Variants in RAVER2 observed in about 807,000 individuals in gnomAD.
RAVER2 encodes the protein ribonucleoprotein, PTB binding 2.
A neutral mutation model predicts 78.1 loss-of-function variants in RAVER2; 46 were observed. That is an observed-to-expected ratio of 0.59 (90% confidence interval 0.46 to 0.75). The LOEUF (loss-of-function observed/expected upper bound fraction) is 0.75. Among genes scored for constraint, RAVER2 ranks in the 30% least tolerant of loss-of-function variants. The probability of loss-of-function intolerance (pLI) is 0.00; values close to 1 mark genes in which losing one functional copy is unlikely to be tolerated. For synonymous variants in RAVER2, 311 were observed against 313.3 expected, an observed-to-expected ratio of 0.99 and a Z score of 0.08; for missense variants, 793 against 837.5, an observed-to-expected ratio of 0.95 and a Z score of 0.66.
In RAVER2 at chr1:64,777,882, A is replaced by G. The variant is rs751921498; in HGVS notation, c.576A>G (p.Lys192=). The change falls in exon 3 of 12, where the codon AAA becomes AAG. Residue 192 remains lysine (K), a synonymous_variant. Coordinates refer to ENST00000294428, the Ensembl canonical transcript of RAVER2. The stretch of plus-strand genomic sequence containing the variant: ...GCTATGGATTTGTGGAATACATGAA[A>G]AAGGACTTTGCTGCAAAGGCTAGAC... 5.6e-6 allele frequency: 9 copies of G among 1,614,002 alleles called. No homozygotes were observed. The African/African-American group carries it at 1.2e-4, about 22-fold the overall frequency.
Position 64,828,653 on chromosome 1 carries a change from C to CT in RAVER2, c.1930-2174dup, listed in dbSNP as rs1024334585. 5.4e-3 allele frequency among the ~76,000 whole-genome samples: 767 copies of CT among 141,424 alleles called. 10 individuals carry two copies. The highest frequency in any genetic ancestry group is 0.017 in the African/African-American group (656 of 38,630). 92.8% of individuals were successfully genotyped at this position (141,424 alleles called of 152,430 possible). On this transcript the variant is annotated intron_variant, in intron 11 of 11. Transcript: ENST00000294428. ...CATGGGCTACAGTGAAACCCGTTTT[C>CT]TTTTTTTTTTTTAAGGTTTAAATTT...
At chr1:64,828,596 G>A (rs1048565048) in intron 11 of RAVER2, among the ~76,000 whole-genome samples, 4 of 150,708 alleles carry the variant, frequency 2.7e-5, no homozygotes, top group East Asian at 1.9e-4. Context: ...TTGATAGGGC[G>A]TATCAGAAGA....
chr1:64,794,090 G>A (rs1223973480), intron 5 of RAVER2, among the ~76,000 whole-genome samples: 1 of 152,058 alleles, frequency 6.6e-6, no homozygotes, highest in Non-Finnish European at 1.5e-5. Flanking sequence ...TGAGTCATAT[G>A]GTAGATATAT....
intron 5 of RAVER2, among the ~76,000 whole-genome samples, chr1:64,790,838 G>A (rs563753312): frequency 6.6e-6 from 1 of 152,216 alleles, no homozygotes; most frequent in East Asian, 1.9e-4. Context: ...TCTAACACCA[G>A]CTCACCTACT....
rs1652509002 is a variant in RAVER2 at position 64,777,797 on chromosome 1, C to G, written c.491C>G (p.Ala164Gly). ...GAAGAGTTTGAAGAACTTGTTCGTG[C>G]TTATGGAAATATTGAGAGATGTTTT... The change falls in exon 3 of 12, where the codon GCT becomes GGT. Residue 164 changes from alanine (A) to glycine (G), a missense_variant. Transcript: ENST00000294428. 3.7e-6 allele frequency: 6 copies of G among 1,614,030 alleles called. No individual in the cohort carries two copies. The African/African-American group carries it at 6.7e-5, about 18-fold the overall frequency.
chr1:64,811,330 T>G (rs1653600126), intron 9 of RAVER2, among the ~76,000 whole-genome samples: 1 of 152,194 alleles, frequency 6.6e-6, no homozygotes, highest in Non-Finnish European at 1.5e-5. Flanking sequence ...TCCAGTAAAT[T>G]GCTTATTGCA....
intron 1 of RAVER2, among the ~76,000 whole-genome samples, chr1:64,759,351 C>G (rs1004324327): frequency 1.3e-5 from 2 of 151,322 alleles, no homozygotes; most frequent in Non-Finnish European, 2.9e-5. Context: ...TCTGGAGTAG[C>G]TGGAACTACA....
chr1:64,819,677 C>G (rs1003863458), intron 11 of RAVER2, among the ~76,000 whole-genome samples: 1 of 152,172 alleles, frequency 6.6e-6, no homozygotes, highest in Non-Finnish European at 1.5e-5. Flanking sequence ...AAATTTTTAC[C>G]TAGGCACATT....
At chr1:64,755,724 GTTTTTTTTTTTTTTT>G (rs753375050) in intron 1 of RAVER2, among the ~76,000 whole-genome samples, 6 of 60,634 alleles carry the variant, frequency 9.9e-5, no homozygotes, top group South Asian at 5.4e-4. Flanking sequence ...ATGCTTCATA[GTTTTTTTTTTTTTTT>G]TTTTTTTTTT....
In RAVER2 at chr1:64,759,618, G is replaced by A. The variant is rs551095932; in HGVS notation, c.250-9038G>A. 7.9e-5 allele frequency among the ~76,000 whole-genome samples: 12 copies of A among 151,542 alleles called. No homozygotes were observed. The South Asian group carries it at 2.3e-3, about 29-fold the overall frequency. On this transcript the variant is annotated intron_variant, in intron 1 of 11. Coordinates refer to ENST00000294428, the Ensembl canonical transcript of RAVER2. ...TGCAAGCTTTGCCTCCCGGGTTCAC[G>A]CCATCTTCCTGCCTCAGCCTCCCGA... is the stretch of plus-strand genomic sequence containing the variant.
At chr1:64,750,912 C>T (rs1651680032) in intron 1 of RAVER2, among the ~76,000 whole-genome samples, 1 of 152,164 alleles carries the variant, frequency 6.6e-6, no homozygotes, top group African/African-American at 2.4e-5. Flanking sequence ...CTCAATGTAA[C>T]AAGAACACTG....
intron 11 of RAVER2, among the ~76,000 whole-genome samples, chr1:64,828,746 A>C (rs1294271251): frequency 6.6e-6 from 1 of 152,004 alleles, no homozygotes; most frequent in East Asian, 1.9e-4. Context: ...TGTTCAGTAT[A>C]TTTACATTAT....
intron 11 of RAVER2, among the ~76,000 whole-genome samples, chr1:64,825,517 CAAT>C (rs1176706532): frequency 2.6e-5 from 4 of 152,130 alleles, no homozygotes; most frequent in Non-Finnish European, 5.9e-5. Flanking sequence ...AGAAGAACAA[CAAT>C]AATAAATATC....
At chr1:64,783,373 C>T (rs1646742434) in intron 4 of RAVER2, among the ~76,000 whole-genome samples, 1 of 152,190 alleles carries the variant, frequency 6.6e-6, no homozygotes, top group Non-Finnish European at 1.5e-5. Flanking sequence ...TCCTATTTCT[C>T]CACATCCTCT....
intron 11 of RAVER2, among the ~76,000 whole-genome samples, chr1:64,829,544 C>G (rs546167581): frequency 6.6e-6 from 1 of 152,166 alleles, no homozygotes; most frequent in Non-Finnish European, 1.5e-5. Context: ...GGCAGAGGCT[C>G]CACCTAAGAG....
intron 8 of RAVER2, 143 bp downstream of exon 8, chr1:64,805,248 C>G: frequency 1.4e-6 from 1 of 724,440 alleles, no homozygotes. Context: ...ACCCTCTTGG[C>G]TTTTCGATTT....
chr1:64,768,506 A>T, intron 1 of RAVER2, 150 bp from the exon 2 acceptor site: 1 of 606,242 alleles, frequency 1.6e-6, no homozygotes, highest in African/African-American at 1.9e-5. Flanking sequence ...CCTTTAATTT[A>T]AGTAAGTAAT....
At chr1:64,753,097 A>T (rs1651744345) in intron 1 of RAVER2, among the ~76,000 whole-genome samples, 1 of 152,230 alleles carries the variant, frequency 6.6e-6, no homozygotes, top group Non-Finnish European at 1.5e-5. Flanking sequence ...CCAGATTAAC[A>T]GGTTGGAGTA....
chr1:64,810,746 G>C (rs1653580735), intron 9 of RAVER2, among the ~76,000 whole-genome samples: 1 of 152,142 alleles, frequency 6.6e-6, no homozygotes, highest in Admixed American at 6.6e-5. Context: ...GTCTATTAAA[G>C]TTTCTGCCCA....
Sources: allele counts gnomAD v4.1 joint callset (sites outside exome capture counted in the v4.1 genomes callset), GRCh38; gene constraint gnomAD v4.1.1; transcripts MANE v1.5; gene names NCBI Gene and HGNC (gene_info 2026-07-23, HGNC 2026-07-21).